The following SERGEF variants were observed in gnomAD, a reference collection of about 807,000 sequenced individuals.
SERGEF encodes secretion regulating guanine nucleotide exchange factor, also known as secretion-regulating guanine nucleotide exchange factor.
A neutral mutation model predicts 50.0 loss-of-function variants in SERGEF; 51 were observed. That is an observed-to-expected ratio of 1.02 (90% CI 0.81 to 1.29). The LOEUF is 1.29. Among genes scored for constraint, SERGEF ranks in the 50% most tolerant of loss-of-function variants. The pLI is 0.00. For missense variants in SERGEF, 521 were observed against 557.0 expected (o/e 0.94, Z 0.65); for synonymous variants, 205 against 212.4 (o/e 0.97, Z 0.30).
At chr11:17,866,209 C>G (rs926217976) in intron 10 of SERGEF, among the ~76,000 whole-genome samples, 3 of 152,238 alleles carry the variant, frequency 2.0e-5, no homozygotes, top group Non-Finnish European at 2.9e-5. Flanking sequence ...CTAGTCCCAG[C>G]TCTGCTACTG....
At chr11:17,984,083 A>T (rs556909597) in intron 8 of SERGEF, among the ~76,000 whole-genome samples, 5 of 152,318 alleles carry the variant, frequency 3.3e-5, no homozygotes, top group Admixed American at 2.6e-4. Flanking sequence ...TCATCATAAG[A>T]GCAATGGGAA....
At chr11:17,909,542 G>C (rs1210292463) in intron 9 of SERGEF, among the ~76,000 whole-genome samples, 2 of 152,142 alleles carry the variant, frequency 1.3e-5, no homozygotes, top group Admixed American at 1.3e-4. Flanking sequence ...GGGCCCAGCT[G>C]GGATGGCACA....
intron 10 of SERGEF, among the ~76,000 whole-genome samples, chr11:17,816,751 T>A (rs528672785): frequency 6.6e-6 from 1 of 152,214 alleles, no homozygotes; most frequent in Non-Finnish European, 1.5e-5. Context: ...TTGTCTCTTG[T>A]GGCCTGAGAC....
chr11:17,988,626 C>T lies in SERGEF; in HGVS notation c.815G>A (p.Ser272Asn). ...FQNEKVTAIW[S>N]GWTHLVAQTE... ...CTGAGCAACCAGGTGTGTCCATCCA[C>T]TCCAGATGGCAGTGACCTTTTCATT... Residue 272 changes from serine (S) to asparagine (N), a missense_variant, in exon 8 of 11, where the codon AGT becomes AAT. Ser to Asn is a conservative substitution (Grantham distance 46, BLOSUM62 1). Transcript: ENST00000265965. 6.2e-7 allele frequency: 1 copy of T among 1,614,162 alleles called. No individual in the cohort carries two copies. Among genetic ancestry groups the T allele is most frequent in the Non-Finnish European group, 8.5e-7 (1 of 1,180,030 alleles).
chr11:17,917,252 T>C (rs1852066482), intron 9 of SERGEF, among the ~76,000 whole-genome samples: 1 of 152,204 alleles, frequency 6.6e-6, no homozygotes, highest in Non-Finnish European at 1.5e-5. Flanking sequence ...AGGAATGAAT[T>C]AATGACATTT....
At chr11:17,868,602 G>T (rs1244924883) in intron 10 of SERGEF, among the ~76,000 whole-genome samples, 1 of 152,108 alleles carries the variant, frequency 6.6e-6, no homozygotes, top group Non-Finnish European at 1.5e-5. Context: ...TATCTTTTCA[G>T]CAGCACCCTA....
At chr11:17,917,513 A>G (rs1397273121) in intron 9 of SERGEF, among the ~76,000 whole-genome samples, 2 of 152,180 alleles carry the variant, frequency 1.3e-5, no homozygotes, top group Non-Finnish European at 2.9e-5. Flanking sequence ...AATCACCGCT[A>G]AAGAACTTAC....
chr11:18,001,087 C>A (rs1037125830), intron 4 of SERGEF, among the ~76,000 whole-genome samples: 2 of 152,230 alleles, frequency 1.3e-5, no homozygotes, highest in African/African-American at 2.4e-5. Flanking sequence ...ACATAGGGAT[C>A]GCCATTTCCC....
intron 10 of SERGEF, among the ~76,000 whole-genome samples, chr11:17,808,874 C>T (rs998894233): frequency 2.8e-4 from 42 of 152,194 alleles, no homozygotes; most frequent in African/African-American, 9.4e-4. Flanking sequence ...AGCCAGCTAA[C>T]TGAATACTTG....
intron 9 of SERGEF, among the ~76,000 whole-genome samples, chr11:17,881,533 T>A (rs2133901202): frequency 6.6e-6 from 1 of 152,198 alleles, no homozygotes; most frequent in East Asian, 1.9e-4. Context: ...TTCATAATGC[T>A]CCTGTCAGCA....
At chr11:17,800,586 T>C (rs745769733) in intron 10 of SERGEF, among the ~76,000 whole-genome samples, 25 of 152,318 alleles carry the variant, frequency 1.6e-4, no homozygotes, top group Middle Eastern at 3.4e-3. Flanking sequence ...AAGGGGCTTA[T>C]ACTCTAATGG....
At chr11:17,828,092 T>C (rs951189185) in intron 10 of SERGEF, among the ~76,000 whole-genome samples, 6 of 152,182 alleles carry the variant, frequency 3.9e-5, no homozygotes, top group Non-Finnish European at 8.8e-5. Context: ...TAGGGGCTAG[T>C]GAAGGCGGAG....
intron 10 of SERGEF, among the ~76,000 whole-genome samples, chr11:17,858,355 T>A (rs2133879869): frequency 6.6e-6 from 1 of 152,106 alleles, no homozygotes; most frequent in Admixed American, 6.5e-5. Flanking sequence ...ATGGGTTAAG[T>A]GAGTAAGTGA....
At chr11:17,877,835 C>T in intron 10 of SERGEF, 1 of 177,484 alleles carries the variant, frequency 5.6e-6, no homozygotes, top group African/African-American at 2.4e-5. Flanking sequence ...AAGAGCCAAA[C>T]CAATAGGAAA....
intron 9 of SERGEF, among the ~76,000 whole-genome samples, chr11:17,883,851 G>T (rs1851379336): frequency 6.6e-6 from 1 of 152,218 alleles, no homozygotes. Flanking sequence ...CGGCTGCAAA[G>T]TGGCAACAAA....
intron 9 of SERGEF, among the ~76,000 whole-genome samples, chr11:17,932,343 C>T (rs987986611): frequency 2.6e-5 from 4 of 152,082 alleles, no homozygotes; most frequent in Admixed American, 6.6e-5. Context: ...CCCACACATT[C>T]GCTGGCAGAT....
chr11:17,902,708 C>T (rs1225578136), intron 9 of SERGEF, among the ~76,000 whole-genome samples: 1 of 152,158 alleles, frequency 6.6e-6, no homozygotes, highest in Non-Finnish European at 1.5e-5. Flanking sequence ...GACTGAGAAG[C>T]CACTTCAGAG....
chr11:17,957,738 GAA>G (rs201005017), intron 9 of SERGEF, among the ~76,000 whole-genome samples: 5 of 134,830 alleles, frequency 3.7e-5, no homozygotes, highest in South Asian at 2.4e-4. Flanking sequence ...CTAGTGGTGG[GAA>G]AAAAAAAAAA....
chr11:17,968,331 G>C (rs546702368), intron 8 of SERGEF, among the ~76,000 whole-genome samples: 1 of 152,278 alleles, frequency 6.6e-6, no homozygotes, highest in African/African-American at 2.4e-5. Context: ...AACAGATCCA[G>C]GCATTCACAA....
Sources: gnomAD v4.1 joint callset for allele counts (sites outside exome capture counted in the v4.1 genomes callset) on GRCh38, gnomAD v4.1.1 for gene constraint, MANE v1.5 for transcripts, NCBI Gene and HGNC (gene_info 2026-07-23, HGNC 2026-07-21) for gene names.